CUX1: variants seen among roughly 807,000 people sequenced by gnomAD.
CUX1 encodes the protein cut like homeobox 1.
A neutral mutation model predicts 158.8 loss-of-function variants in CUX1; 31 were observed. The observed-to-expected ratio is 0.20, with a 90% CI of 0.15 to 0.26. The LOEUF (loss-of-function observed/expected upper bound fraction) is 0.26. CUX1 is among the 10% of genes least tolerant of loss of function. The pLI is 1.00. For missense variants in CUX1, 1,589 were observed against 2,014.6 expected, an observed-to-expected ratio of 0.79 and a Z score of 4.04; for synonymous variants, 879 against 862.1, an observed-to-expected ratio of 1.02 and a Z score of -0.34.
intron 3 of CUX1, among the ~76,000 whole-genome samples, chr7:102,056,136 C>T (rs1824093596): frequency 1.3e-5 from 2 of 152,156 alleles, no homozygotes; most frequent in South Asian, 4.1e-4. Context: ...GAATTTATCT[C>T]CATAATACAA....
At chr7:102,016,462 C>T (rs1046734000) in intron 2 of CUX1, among the ~76,000 whole-genome samples, 11 of 152,184 alleles carry the variant, frequency 7.2e-5, no homozygotes, top group African/African-American at 2.2e-4. Context: ...AAACATCTGT[C>T]GCATAAATGG....
chr7:101,938,115 G>GTT (rs1376132038), intron 2 of CUX1, among the ~76,000 whole-genome samples: 1 of 150,934 alleles, frequency 6.6e-6, no homozygotes, highest in East Asian at 1.9e-4. Context: ...TTTGGTGTGT[G>GTT]TATTTTTTTT....
At chr7:102,142,514 A>G (rs1035950597) in intron 8 of CUX1, among the ~76,000 whole-genome samples, 10 of 152,182 alleles carry the variant, frequency 6.6e-5, no homozygotes, top group African/African-American at 2.4e-4. Flanking sequence ...AAGCCCAGCT[A>G]GTTGGGAGGC....
chr7:101,868,813 G>A (rs1798185300), intron 1 of CUX1, among the ~76,000 whole-genome samples: 1 of 152,146 alleles, frequency 6.6e-6, no homozygotes, highest in Non-Finnish European at 1.5e-5. Flanking sequence ...TAAAGGACTG[G>A]GGCCATTTGT....
chr7:101,906,191 A>C (rs529847034), intron 1 of CUX1, among the ~76,000 whole-genome samples: 17 of 151,958 alleles, frequency 1.1e-4, no homozygotes, highest in African/African-American at 4.1e-4. Flanking sequence ...AAGTTCTGGG[A>C]AATTCATAGT....
intron 11 of CUX1, among the ~76,000 whole-genome samples, chr7:102,183,199 A>T (rs1270987611): frequency 3.3e-5 from 5 of 152,128 alleles, no homozygotes; most frequent in Non-Finnish European, 5.9e-5. Context: ...TTTTTAGTAG[A>T]GACAGGGTTT....
intron 10 of CUX1, among the ~76,000 whole-genome samples, chr7:102,177,352 T>C (rs1025917734): frequency 1.3e-5 from 2 of 148,530 alleles, no homozygotes; most frequent in Non-Finnish European, 3.0e-5. Context: ...AGACGGAGGT[T>C]ACAGTGAGCC....
intron 1 of CUX1, among the ~76,000 whole-genome samples, chr7:101,911,105 C>T (rs1803379908): frequency 6.6e-6 from 1 of 152,288 alleles, no homozygotes; most frequent in South Asian, 2.1e-4. Flanking sequence ...GGTTTCTGAG[C>T]TGAGACAGCA....
At chr7:102,051,694 G>A (rs1823525231) in intron 3 of CUX1, among the ~76,000 whole-genome samples, 1 of 151,228 alleles carries the variant, frequency 6.6e-6, no homozygotes, top group African/African-American at 2.5e-5. Context: ...GTCTATAGGT[G>A]CTTGTAAATG....
intron 1 of CUX1, among the ~76,000 whole-genome samples, chr7:101,841,083 CG>C (rs1258793526): frequency 6.6e-6 from 1 of 151,686 alleles, no homozygotes; most frequent in African/African-American, 2.4e-5. Context: ...TTAATAGAGA[CG>C]GGGTTTCACC....
chr7:102,067,116 C>A (rs1270228799), intron 3 of CUX1, among the ~76,000 whole-genome samples: 1 of 152,058 alleles, frequency 6.6e-6, no homozygotes, highest in East Asian at 1.9e-4. Flanking sequence ...AAATCCCACA[C>A]CCTTCAGTTG....
chr7:101,844,674 AGCAC>A (rs548855301), intron 1 of CUX1, among the ~76,000 whole-genome samples: 10 of 152,114 alleles, frequency 6.6e-5, no homozygotes, highest in African/African-American at 2.4e-4. Flanking sequence ...GGAGTGCAGC[AGCAC>A]GATCTTGGCT....
chr7:102,095,524 G>A (rs546841189), intron 4 of CUX1, among the ~76,000 whole-genome samples: 1 of 152,154 alleles, frequency 6.6e-6, no homozygotes, highest in Non-Finnish European at 1.5e-5. Flanking sequence ...ATATCCCAGC[G>A]CCTGCCTTTT....
Position 101,916,962 on chromosome 7 carries a change from A to G in CUX1, c.141+737A>G, listed in dbSNP as rs1382274933. On this transcript the variant is annotated intron_variant, in intron 2 of 23. Coordinates refer to ENST00000292535, the MANE Select transcript of CUX1 (RefSeq NM_181552.4). This position sits in a 1 kb window ranked among gnomAD's most constrained non-coding sequence, Gnocchi z 4.4. ...TGCAGGCAGATGAGCAGTCGCGGGA[A>G]TGGCTTTCCGGGTGACATCTGCCAG... Among the ~76,000 whole-genome samples the G allele has an allele frequency of 6.6e-6, 1 of 151,320 alleles. No homozygotes were observed. Among genetic ancestry groups the G allele is most frequent in the Non-Finnish European group, 1.5e-5 (1 of 67,936 alleles).
intron 2 of CUX1, among the ~76,000 whole-genome samples, chr7:101,988,196 G>A (rs1173248391): frequency 6.8e-6 from 1 of 147,660 alleles, no homozygotes; most frequent in Non-Finnish European, 1.5e-5. Context: ...GGGCAACAGA[G>A]CGAGAATCTG....
chr7:101,918,704 C>G (rs1465292982), intron 2 of CUX1, among the ~76,000 whole-genome samples: 1 of 152,240 alleles, frequency 6.6e-6, no homozygotes, highest in Non-Finnish European at 1.5e-5. Context: ...GGCGCCCACG[C>G]GGAAAGTCCA....
At chr7:101,872,323 G>A (rs538216681) in intron 1 of CUX1, among the ~76,000 whole-genome samples, 1 of 151,722 alleles carries the variant, frequency 6.6e-6, no homozygotes, top group Non-Finnish European at 1.5e-5. Flanking sequence ...TAGTAGAGAC[G>A]GGGTTTCACC....
chr7:102,184,543 A>C (rs1793444323), intron 11 of CUX1, among the ~76,000 whole-genome samples: 1 of 152,256 alleles, frequency 6.6e-6, no homozygotes, highest in African/African-American at 2.4e-5. Context: ...CCAAGGTCAC[A>C]GTCAGCTAGG....
chr7:102,211,558 A>G (rs372244463), intron 20 of CUX1, among the ~76,000 whole-genome samples: 2 of 151,958 alleles, frequency 1.3e-5, no homozygotes, highest in East Asian at 3.9e-4. Flanking sequence ...AGGCAGGTGC[A>G]TCACCTGACG....
Sources: allele counts gnomAD v4.1 joint callset (sites outside exome capture counted in the v4.1 genomes callset), GRCh38; gene constraint gnomAD v4.1.1; non-coding constraint Gnocchi (gnomAD v3.1); transcripts MANE v1.5; gene names NCBI Gene and HGNC (gene_info 2026-07-23, HGNC 2026-07-21).